The following CERS6 variants were observed in gnomAD, a reference collection of about 807,000 sequenced individuals.
The protein encoded by CERS6 is LAG1 homolog, ceramide synthase 6.
In CERS6, 26 loss-of-function variants were observed where a neutral mutation model predicts 56.8. The ratio of observed to expected loss-of-function variants is 0.46; its 90% CI spans 0.34 to 0.63. The LOEUF (loss-of-function observed/expected upper bound fraction) is 0.63, where lower values mean the gene tolerates loss of function less well. Ranked by LOEUF, CERS6 falls within the 30% of genes least tolerant of loss-of-function variation. The pLI is 0.01. For synonymous variants in CERS6, 164 were observed against 173.3 expected (o/e 0.95, Z 0.42); for missense variants, 415 against 467.5 (o/e 0.89, Z 1.04).
At chr2:168,478,940 T>G (rs1278421847) in intron 1 of CERS6, among the ~76,000 whole-genome samples, 1 of 152,226 alleles carries the variant, frequency 6.6e-6, no homozygotes, top group Admixed American at 6.5e-5. Context: ...TTTGTTAAAT[T>G]TTTGAGCCAT....
intron 4 of CERS6, among the ~76,000 whole-genome samples, chr2:168,641,439 C>T (rs1189799548): frequency 6.6e-6 from 1 of 152,178 alleles, no homozygotes; most frequent in Non-Finnish European, 1.5e-5. Flanking sequence ...AGTCTTTAGA[C>T]TTCCCACTGC....
intron 3 of CERS6, among the ~76,000 whole-genome samples, chr2:168,627,891 T>C (rs2105292108): frequency 6.6e-6 from 1 of 152,270 alleles, no homozygotes; most frequent in Non-Finnish European, 1.5e-5. Flanking sequence ...GTGTTTACCC[T>C]CTATGTAAAT....
At chr2:168,561,372 A>G in intron 3 of CERS6, 50 bp downstream of exon 3, 1 of 1,606,322 alleles carries the variant, frequency 6.2e-7, no homozygotes, top group Non-Finnish European at 8.5e-7. Context: ...TACTCATGCC[A>G]ACCCTGAGGT....
In CERS6 at chr2:168,612,077, A is replaced by G. The variant is rs568071435; in HGVS notation, c.408-18908A>G. 3.4e-4 allele frequency among the ~76,000 whole-genome samples: 52 copies of G among 152,354 alleles called. No individual in the cohort carries two copies. The South Asian group carries it at 6.8e-3, about 20-fold the overall frequency. ...TTATGGAGCCCTTGCCATGTGTTGA[A>G]TGCTGTTCTACATACTTTACAAGTA... On this transcript the variant is annotated intron_variant, in intron 3 of 9. Transcript: ENST00000305747.
chr2:168,683,843 T>C (rs1431810577), intron 4 of CERS6, among the ~76,000 whole-genome samples: 6 of 152,134 alleles, frequency 3.9e-5, no homozygotes, highest in African/African-American at 1.4e-4. Context: ...GTAGTGTGCA[T>C]AGTGTACCAC....
Position 168,456,692 on chromosome 2 carries a change from G to A in CERS6, c.170+74G>A, listed in dbSNP as rs1693667439. 6.8e-7 allele frequency: 1 copy of A among 1,463,562 alleles called. No individual in the cohort carries two copies. The highest frequency in any genetic ancestry group is 9.3e-7 in the Non-Finnish European group (1 of 1,071,200). The allele number at this position is 1,463,562 out of a possible 1,614,324, so 90.7% of individuals were successfully genotyped here. A position where few individuals can be genotyped will look rare whatever the true frequency, so the allele number is the denominator to read the frequency against. On this transcript the variant is annotated intron_variant, in intron 1 of 9. Transcript: ENST00000305747. This position sits in a 1 kb window ranked among gnomAD's most constrained non-coding sequence, Gnocchi z 4.1. ...CGCGCACACACTCGCGCGCTCTCTG[G>A]CGCACGCCCCCGCGCCCCCAACGCT...
chr2:168,656,698 G>C (rs939720266), intron 4 of CERS6, among the ~76,000 whole-genome samples: 1 of 152,106 alleles, frequency 6.6e-6, no homozygotes, highest in African/African-American at 2.4e-5. Flanking sequence ...AAGATTTATT[G>C]CAAAGAGCGA....
chr2:168,634,768 A>G (rs1684825684), intron 4 of CERS6, among the ~76,000 whole-genome samples: 1 of 152,214 alleles, frequency 6.6e-6, no homozygotes, highest in South Asian at 2.1e-4. Context: ...TATGTAAAAG[A>G]AAAGTTACTC....
In CERS6 at chr2:168,635,829, G is replaced by A. The variant is rs1266124654; in HGVS notation, c.465+4787G>A. ...AGGTGCAGCCTTTCATTCTTCATGC[G>A]GTGTTCTCAAATTCAACACACAAAG... On this transcript the variant is annotated intron_variant, in intron 4 of 9. Transcript: ENST00000305747. Among the ~76,000 whole-genome samples the A allele has an allele frequency of 9.9e-5, 15 of 152,120 alleles. No homozygotes were observed. In the South Asian group the frequency reaches 2.3e-3, roughly 23 times the overall value.
At position 168,719,869 on chromosome 2, in the gene CERS6, C is replaced by CT. The variant is rs138651898; in HGVS notation, c.845+1901dup. Among the ~76,000 whole-genome samples the CT allele has an allele frequency of 9.2e-3, 1,371 of 148,742 alleles. 14 individuals carry two copies. Among genetic ancestry groups the CT allele is most frequent in the Middle Eastern group, 0.045 (13 of 290 alleles). On this transcript the variant is annotated intron_variant, in intron 8 of 9. Coordinates refer to ENST00000305747, the MANE Select transcript of CERS6 (RefSeq NM_203463.3). ...TTTTCTAGTAGCCATACTAAAGGTTCTTTTTTTTTTAAAAGATGAAAGGTG... is the reference window on the plus strand; with the variant it reads ...TTTTCTAGTAGCCATACTAAAGGTTCTTTTTTTTTTTAAAAGATGAAAGGTG...
At chr2:168,652,488 C>T (rs1413209616) in intron 4 of CERS6, among the ~76,000 whole-genome samples, 1 of 151,018 alleles carries the variant, frequency 6.6e-6, no homozygotes, top group Non-Finnish European at 1.5e-5. Flanking sequence ...AAACATAAAC[C>T]ACATAATTCA....
At chr2:168,522,535 G>A (rs1695000654) in intron 1 of CERS6, among the ~76,000 whole-genome samples, 1 of 148,530 alleles carries the variant, frequency 6.7e-6, no homozygotes, top group Non-Finnish European at 1.5e-5. Flanking sequence ...TGTAACTTAG[G>A]TGAATTTTTT....
chr2:168,522,539 A>ATT (rs368748705), intron 1 of CERS6, among the ~76,000 whole-genome samples: 1 of 147,354 alleles, frequency 6.8e-6, no homozygotes. Flanking sequence ...ACTTAGGTGA[A>ATT]TTTTTTTTTT....
chr2:168,569,113 T>C (rs1489051287), intron 3 of CERS6, among the ~76,000 whole-genome samples: 1 of 152,182 alleles, frequency 6.6e-6, no homozygotes, highest in African/African-American at 2.4e-5. Flanking sequence ...TATTTTCTCA[T>C]AGTTCTGGAG....
intron 4 of CERS6, among the ~76,000 whole-genome samples, chr2:168,637,716 A>G (rs1213065358): frequency 6.6e-6 from 1 of 152,232 alleles, no homozygotes; most frequent in Non-Finnish European, 1.5e-5. Context: ...GAGAAAAACT[A>G]TAACTATTCT....
At chr2:168,726,912 G>C (rs1038142225) in intron 8 of CERS6, among the ~76,000 whole-genome samples, 2 of 152,164 alleles carry the variant, frequency 1.3e-5, no homozygotes, top group South Asian at 2.1e-4. Flanking sequence ...GGCTTAAACT[G>C]TCTCATTTTA....
chr2:168,658,082 A>G (rs777633614), intron 4 of CERS6, among the ~76,000 whole-genome samples: 1 of 152,168 alleles, frequency 6.6e-6, no homozygotes, highest in Non-Finnish European at 1.5e-5. Flanking sequence ...GTTGTTTACT[A>G]GATGTGTGAC....
intron 1 of CERS6, among the ~76,000 whole-genome samples, chr2:168,494,870 C>T (rs1467044703): frequency 6.6e-6 from 1 of 152,134 alleles, no homozygotes; most frequent in Non-Finnish European, 1.5e-5. Flanking sequence ...GTATGGCTTG[C>T]ATTCTGTGGG....
At chr2:168,615,744 T>C (rs1022420920) in intron 3 of CERS6, among the ~76,000 whole-genome samples, 2 of 152,102 alleles carry the variant, frequency 1.3e-5, no homozygotes, top group African/African-American at 4.8e-5. Flanking sequence ...AACCTAAGAA[T>C]AATCGGTGTT....
Sources: gnomAD v4.1 joint callset for allele counts (sites outside exome capture counted in the v4.1 genomes callset) on GRCh38, gnomAD v4.1.1 for gene constraint, Gnocchi (gnomAD v3.1) non-coding constraint, MANE v1.5 for transcripts, NCBI Gene and HGNC (gene_info 2026-07-23, HGNC 2026-07-21) for gene names.